Variants in SPHK2 observed in about 807,000 individuals in gnomAD.
The protein encoded by SPHK2 is sphingosine kinase 2.
A neutral mutation model predicts 32.3 loss-of-function variants in SPHK2; 18 were observed. That is an observed-to-expected ratio of 0.56 (90% CI 0.39 to 0.83). The LOEUF (loss-of-function observed/expected upper bound fraction) is 0.83, where lower values mean the gene tolerates loss of function less well. Ranked by LOEUF, SPHK2 falls within the 40% of genes least tolerant of loss-of-function variation. The pLI is 0.00. For synonymous variants in SPHK2, 462 were observed against 417.6 expected, an observed-to-expected ratio of 1.11 and a Z score of -1.30; for missense variants, 850 against 908.7, an observed-to-expected ratio of 0.94 and a Z score of 0.83.
rs73944841 is a variant in SPHK2 at position 48,625,185 on chromosome 19, A to C, written c.40-706A>C. ...ATATCCCTTCTCTCCAGCTGTCTCC[A>C]TGCCTGCCTCGTACCCCTCCTATTT... On this transcript the variant is annotated intron_variant, in intron 2 of 6. Coordinates refer to ENST00000245222, the MANE Select transcript of SPHK2 (RefSeq NM_020126.5). 8.3e-3 allele frequency: 8,450 copies of C among 1,020,614 alleles called. 426 individuals are homozygous for C. The African/African-American group carries it at 0.12, about 14-fold the overall frequency. The allele number at this position is 1,020,614 out of a possible 1,614,324, so 63.2% of individuals were successfully genotyped here.
intron 2 of SPHK2, chr19:48,625,471 C>T: frequency 8.3e-7 from 1 of 1,210,066 alleles, no homozygotes; most frequent in Non-Finnish European, 1.0e-6. Flanking sequence ...TCCCACTATC[C>T]ATTCCCCTTC....
intron 2 of SPHK2, among the ~76,000 whole-genome samples, chr19:48,621,092 ATT>A (rs1005957960): frequency 3.3e-5 from 5 of 151,850 alleles, no homozygotes; most frequent in African/African-American, 1.2e-4. Context: ...TTATTTATTT[ATT>A]TTGAGGTGGA....
Position 48,628,341 on chromosome 19 carries a change from C to A in SPHK2, c.872+64C>A. 6.9e-7 allele frequency: 1 copy of A among 1,447,816 alleles called. No homozygotes were observed. Among genetic ancestry groups the A allele is most frequent in the Non-Finnish European group, 9.6e-7 (1 of 1,036,316 alleles). The allele number at this position is 1,447,816 out of a possible 1,614,324, so 89.7% of individuals were successfully genotyped here. ...CCTGGGGTGATAGGGACCCCTATAT[C>A]TCCCACTCAGCCAAACCCACAGTCA... On this transcript the variant is annotated intron_variant, in intron 6 of 6. Transcript: ENST00000245222. This position sits in a 1 kb window ranked among gnomAD's most constrained non-coding sequence, Gnocchi z 5.2.
In SPHK2 at chr19:48,626,290, C is replaced by A. The variant is rs367770342; in HGVS notation, c.439C>A (p.Arg147Ser). Residue 147 changes from arginine to serine, a missense_variant, in exon 3 of 7, where the codon CGT becomes AGT. This residue lies in a region of SPHK2 where 544 missense variants were observed against 640.0 expected (regional missense o/e 0.85). Coordinates refer to ENST00000245222, the MANE Select transcript of SPHK2 (RefSeq NM_020126.5). Reference protein sequence around the residue: ...ADGAATYEENRAEAQRWATAL... With the variant: ...ADGAATYEENSAEAQRWATAL... The stretch of plus-strand genomic sequence containing the variant: ...TGGGGCCGCCACCTACGAAGAGAAC[C>A]GTGCCGAGGCCCAGCGCTGGGCCAC... 2.1e-5 allele frequency: 33 copies of A among 1,594,524 alleles called. No homozygotes were observed. Among genetic ancestry groups the A allele is most frequent in the Admixed American group, 5.1e-5 (3 of 59,346 alleles).
chr19:48,627,584 C>T (rs972060948), intron 3 of SPHK2, 108 bp from the exon 4 acceptor site: 30 of 1,357,944 alleles, frequency 2.2e-5, no homozygotes, highest in African/African-American at 2.9e-5. Context: ...GCCAGCAGGT[C>T]CCAGGGGCCA....
In SPHK2 at chr19:48,626,096, A is replaced by T; in HGVS notation, c.245A>T (p.Lys82Ile). The change falls in exon 3 of 7, where the codon AAA becomes ATA. Residue 82 changes from lysine to isoleucine, a missense_variant. Lys to Ile is a moderately radical substitution (Grantham distance 102). This residue lies in a region of SPHK2 where 544 missense variants were observed against 640.0 expected (regional missense o/e 0.85). Transcript: ENST00000245222. The stretch of plus-strand genomic sequence containing the variant: ...CTGCACATACAGCGGCTGCGCCCCA[A>T]ACCTGAAGCCAGGCCCCGGGGTGGC... ...QALHIQRLRP[K>I]PEARPRGGLV... is the part of the protein sequence containing the mutation. 6.2e-7 allele frequency: 1 copy of T among 1,611,992 alleles called. No homozygotes were observed. The highest frequency in any genetic ancestry group is 8.5e-7 in the Non-Finnish European group (1 of 1,179,192).
chr19:48,622,952 A>G (rs1255163425), intron 2 of SPHK2, among the ~76,000 whole-genome samples: 3 of 150,058 alleles, frequency 2.0e-5, no homozygotes, highest in Non-Finnish European at 4.4e-5. Context: ...TTTAGTAGAG[A>G]TGGGGGTTTT....
chr19:48,629,605 G>A lies in SPHK2; in HGVS notation c.1797G>A (p.Gln599=). The change falls in exon 7 of 7, where the codon CAG becomes CAA. Residue 599 remains glutamine (Q), a synonymous_variant. Transcript: ENST00000245222. ...RGSHFSLGCP[Q]LGYAAARAFR... is the part of the protein sequence containing the mutation. ...GCCACTTCAGCCTGGGCTGTCCGCA[G>A]CTGGGCTACGCCGCGGCCCGTGCCT... The A allele has an allele frequency of 6.3e-7, 1 of 1,598,942 alleles. No homozygotes were observed. The highest frequency in any genetic ancestry group is 8.5e-7 in the Non-Finnish European group (1 of 1,173,212).
Position 48,629,296 on chromosome 19 carries a change from CTCTGGGCTCCCACTTCCCACCCCT to C in SPHK2, c.1489_1512del (p.Ser497_Pro504del), listed in dbSNP as rs779653290. 4 of 1,613,532 alleles carry C rather than the reference CTCTGGGCTCCCACTTCCCACCCCT, an allele frequency of 2.5e-6. No homozygotes were observed. Among genetic ancestry groups the C allele is most frequent in the Non-Finnish European group, 2.5e-6 (3 of 1,179,978 alleles). ...AAGGGGCCCCCGTAATTCCCCCATC[CTCTGGGCTCCCACTTCCCACCCCT>C]GATGCCCGGGTAGGGGCCTCCACCT... On this transcript the variant is annotated inframe_deletion, in exon 7 of 7. Transcript: ENST00000245222.
At chr19:48,627,918 TG>T in intron 4 of SPHK2, 56 bp from the exon 5 acceptor site, 1 of 1,567,988 alleles carries the variant, frequency 6.4e-7, no homozygotes. Context: ...GTGGGACTCC[TG>T]GGTCTATGGG....
Position 48,622,271 on chromosome 19 carries a change from AAT to A in SPHK2, c.39+1720_39+1721del, listed in dbSNP as rs1246784423. 6.4e-3 allele frequency among the ~76,000 whole-genome samples: 934 copies of A among 146,078 alleles called. 13 individuals carry two copies. The highest frequency in any genetic ancestry group is 0.023 in the African/African-American group (872 of 37,486). On this transcript the variant is annotated intron_variant, in intron 2 of 6. Transcript: ENST00000245222. ...GAAACTCCGTCTCAAAAAAAAAAAAAATAAAAAAAAATAAAGGACTCAATCTC... is the reference window on the plus strand; with the variant it reads ...GAAACTCCGTCTCAAAAAAAAAAAAAAAAAAAAAATAAAGGACTCAATCTC...
rs1401269143 is a variant in SPHK2 at position 48,628,320 on chromosome 19, G to C, written c.872+43G>C. The stretch of plus-strand genomic sequence containing the variant: ...CGAAGGGAGGGATGAGCCCCTCCTG[G>C]GGTGATAGGGACCCCTATATCTCCC... On this transcript the variant is annotated intron_variant, in intron 6 of 6. Coordinates refer to ENST00000245222, the MANE Select transcript of SPHK2 (RefSeq NM_020126.5). The surrounding 1 kb of genome is among the most constrained non-coding windows in gnomAD (Gnocchi z 5.2). The C allele has an allele frequency of 1.9e-6, 3 of 1,542,182 alleles. No individual in the cohort carries two copies. In the African/African-American group the frequency reaches 4.1e-5, roughly 21 times the overall value.
At chr19:48,620,588 TG>T (rs760719641) in intron 2 of SPHK2, 35 bp downstream of exon 2, 1 of 1,546,492 alleles carries the variant, frequency 6.5e-7, no homozygotes, top group South Asian at 1.2e-5. Context: ...ATCCTCATAC[TG>T]TGGAAAGACA....
At position 48,630,094 on chromosome 19, in the gene SPHK2, C is replaced by T. The variant is rs2030473238; in HGVS notation, c.*321C>T. The T allele has an allele frequency of 3.9e-6, 5 of 1,272,864 alleles. No individual in the cohort carries two copies. The highest frequency in any genetic ancestry group is 5.0e-6 in the Non-Finnish European group (5 of 1,008,976). The allele number at this position is 1,272,864 out of a possible 1,614,324, so 78.8% of individuals were successfully genotyped here. A position where few individuals can be genotyped will look rare whatever the true frequency, so the allele number is the denominator to read the frequency against. ...CCTACCCGGCCAGGATGGCTGAGGG[C>T]GGAGTCTATTTTACGCGTCGCCCAA... On this transcript the variant is annotated 3_prime_UTR_variant, in exon 7 of 7. Coordinates refer to ENST00000245222, the MANE Select transcript of SPHK2 (RefSeq NM_020126.5). The surrounding 1 kb of genome is among the most constrained non-coding windows in gnomAD (Gnocchi z 4.9).
rs1167857630 is a variant in SPHK2 at position 48,629,266 on chromosome 19, C to A, written c.1458C>A (p.Val486=). 1.9e-6 allele frequency: 3 copies of A among 1,613,702 alleles called. No homozygotes were observed. The highest frequency in any genetic ancestry group is 1.7e-6 in the Non-Finnish European group (2 of 1,179,990). The part of the protein sequence containing the change: ...GSPKAALHSP[V]SEGAPVIPPS... ...CCAAGGCAGCTCTACACTCACCCGT[C>A]TCCGAAGGGGCCCCCGTAATTCCCC... The change falls in exon 7 of 7, where the codon GTC becomes GTA. Residue 486 remains valine, a synonymous_variant. Transcript: ENST00000245222.
In SPHK2 at chr19:48,628,927, C is replaced by T. The variant is rs148911321; in HGVS notation, c.1119C>T (p.Arg373=). 103 of 1,613,282 alleles carry T rather than the reference C, an allele frequency of 6.4e-5. No homozygotes were observed. Among genetic ancestry groups the T allele is most frequent in the African/African-American group, 2.7e-4 (20 of 74,932 alleles). The change falls in exon 7 of 7, where the codon CGC becomes CGT. Residue 373 remains arginine, a synonymous_variant. Coordinates refer to ENST00000245222, the MANE Select transcript of SPHK2 (RefSeq NM_020126.5). This position sits in a 1 kb window ranked among gnomAD's most constrained non-coding sequence, Gnocchi z 5.2. ...VLGLATLHTY[R]GRLSYLPATV... is the part of the protein sequence containing the mutation. ...GCCTCGCCACACTGCACACCTACCG[C>T]GGACGCCTCTCCTACCTCCCCGCCA... is the stretch of plus-strand genomic sequence containing the variant.
chr19:48,620,717 A>C, intron 2 of SPHK2, 164 bp downstream of exon 2: 1 of 597,972 alleles, frequency 1.7e-6, no homozygotes, highest in South Asian at 2.1e-5. Context: ...TGAGGCCAGG[A>C]GTTCGAGATC....
chr19:48,623,881 C>T (rs1486792080), intron 2 of SPHK2: 1 of 152,384 alleles, frequency 6.6e-6, no homozygotes, highest in African/African-American at 2.4e-5. Context: ...CTCTGGGTCT[C>T]TCTGACTCTG....
chr19:48,627,827 A>G lies in SPHK2; in HGVS notation c.647A>G (p.Asn216Ser), dbSNP rs1022061715. ...PMISEAGLSFNLIQTERQNHA... is the reference protein window; with the variant it reads ...PMISEAGLSFSLIQTERQNHA... Reference sequence around the variant, plus strand: ...ATCTCTGAAGCTGGGCTGTCCTTCAACCTCATCCAGACAGGTAAGGGCCAG... The same window carrying G: ...ATCTCTGAAGCTGGGCTGTCCTTCAGCCTCATCCAGACAGGTAAGGGCCAG... The change falls in exon 4 of 7, where the codon AAC becomes AGC. Residue 216 changes from asparagine to serine, a missense_variant. By Grantham distance (46) the Asn-to-Ser change is conservative (BLOSUM62 1). Around this residue, in one of 2 missense-constraint regions of SPHK2, gnomAD observed 544 missense variants for 640.0 expected, o/e 0.85. Coordinates refer to ENST00000245222, the MANE Select transcript of SPHK2 (RefSeq NM_020126.5). The G allele has an allele frequency of 3.1e-6, 5 of 1,612,190 alleles. No homozygotes were observed. The highest frequency in any genetic ancestry group is 4.2e-6 in the Non-Finnish European group (5 of 1,179,094).
Sources: gnomAD v4.1 joint callset for allele counts (sites outside exome capture counted in the v4.1 genomes callset) on GRCh38, gnomAD v4.1.1 for gene constraint, gnomAD v4.1.1 regional missense constraint, Gnocchi (gnomAD v3.1) non-coding constraint, MANE v1.5 for transcripts, NCBI Gene and HGNC (gene_info 2026-07-23, HGNC 2026-07-21) for gene names.